The following PDE1C variants were observed in gnomAD, a reference collection of about 807,000 sequenced individuals.
PDE1C encodes the protein dual specificity calcium/calmodulin-dependent 3',5'-cyclic nucleotide phosphodiesterase 1C.
Under a neutral mutation model 93.1 loss-of-function variants are expected in PDE1C, and 62 were observed. The observed-to-expected ratio is 0.67, with a 90% CI of 0.54 to 0.82. The LOEUF (loss-of-function observed/expected upper bound fraction) is 0.82, where lower values mean the gene tolerates loss of function less well. Among genes scored for constraint, PDE1C ranks in the 40% least tolerant of loss-of-function variants. The pLI, the probability that PDE1C is intolerant of heterozygous loss-of-function variation, is 0.00. For missense variants in PDE1C, 742 were observed against 884.6 expected (o/e 0.84, Z 2.04); for synonymous variants, 325 against 310.1 (o/e 1.05, Z -0.50).
chr7:32,298,796 C>T lies in PDE1C; in HGVS notation c.-61G>A, dbSNP rs1414464033. ...CCAGCGGCGTCTGCGGTCCCCCCCA[C>T]GGCGGAGTGAGCAGCCCGGGGCTCG... On this transcript the variant is annotated 5_prime_UTR_variant, in exon 1 of 19. Coordinates refer to the PDE1C transcript ENST00000396193. 1.4e-5 allele frequency: 22 copies of T among 1,535,448 alleles called. No individual in the cohort carries two copies. In the East Asian group the frequency reaches 4.7e-4, roughly 33 times the overall value.
chr7:31,888,304 C>T (rs1041488682), intron 2 of PDE1C, among the ~76,000 whole-genome samples: 4 of 149,130 alleles, frequency 2.7e-5, no homozygotes, highest in Non-Finnish European at 3.0e-5. Flanking sequence ...TAAGTGATCT[C>T]GTTATGCACC....
chr7:31,969,939 CA>C (rs1164895454), intron 2 of PDE1C, among the ~76,000 whole-genome samples: 3 of 151,742 alleles, frequency 2.0e-5, no homozygotes, highest in Non-Finnish European at 2.9e-5. Flanking sequence ...GGGAATTGAA[CA>C]ATGAGAACTC....
At chr7:32,101,863 G>A (rs1798055246) in intron 3 of PDE1C, among the ~76,000 whole-genome samples, 1 of 152,102 alleles carries the variant, frequency 6.6e-6, no homozygotes. Flanking sequence ...CTTCTGTGGG[G>A]GCCTCAGGAA....
intron 1 of PDE1C, among the ~76,000 whole-genome samples, chr7:32,259,984 G>A (rs547496656): frequency 1.1e-4 from 17 of 152,194 alleles, no homozygotes; most frequent in Admixed American, 5.2e-4. Context: ...GAAATTCTTC[G>A]TCCCACCTAA....
chr7:32,184,290 A>G (rs1803681332), intron 2 of PDE1C, among the ~76,000 whole-genome samples: 1 of 152,214 alleles, frequency 6.6e-6, no homozygotes, highest in Admixed American at 6.5e-5. Context: ...CAGCCATCCC[A>G]TTACTGGGTA....
intron 1 of PDE1C, among the ~76,000 whole-genome samples, chr7:32,337,554 A>T (rs1783652373): frequency 6.6e-6 from 1 of 152,224 alleles, no homozygotes; most frequent in African/African-American, 2.4e-5. Flanking sequence ...GGTAATCAAT[A>T]AATGTGCATT....
At chr7:32,027,607 TAAAAAAAAAAAAAAAAAAAAAAA>T (rs551660766) in intron 2 of PDE1C, among the ~76,000 whole-genome samples, 136 of 78,504 alleles carry the variant, frequency 1.7e-3, no homozygotes, top group Middle Eastern at 0.015. Flanking sequence ...TCAAAAATGG[TAAAAAAAAAAAAAAAAAAAAAAA>T]AAAAAAAAAA....
intron 1 of PDE1C, among the ~76,000 whole-genome samples, chr7:32,361,725 G>A (rs939769877): frequency 1.3e-5 from 2 of 152,088 alleles, no homozygotes; most frequent in Admixed American, 6.5e-5. Context: ...GTGCTCCCCT[G>A]GCACTTTGTA....
intron 2 of PDE1C, among the ~76,000 whole-genome samples, chr7:32,192,881 T>C (rs962169755): frequency 2.6e-5 from 4 of 152,162 alleles, no homozygotes; most frequent in African/African-American, 4.8e-5. Context: ...GTTTTCAGCA[T>C]ACAAGTCTTG....
intron 9 of PDE1C, among the ~76,000 whole-genome samples, chr7:31,838,863 T>A (rs1791450807): frequency 4.6e-5 from 7 of 152,000 alleles, no homozygotes; most frequent in Admixed American, 4.6e-4. Context: ...ACCAAATACT[T>A]CCATCATCCT....
intron 3 of PDE1C, among the ~76,000 whole-genome samples, chr7:32,159,457 G>T (rs1408149979): frequency 2.0e-5 from 3 of 152,062 alleles, no homozygotes; most frequent in Non-Finnish European, 2.9e-5. Flanking sequence ...TTTTATTTAG[G>T]GTACCTTAAT....
chr7:32,395,110 A>G (rs1170711199), intron 1 of PDE1C, among the ~76,000 whole-genome samples: 3 of 152,360 alleles, frequency 2.0e-5, no homozygotes, highest in African/African-American at 7.2e-5. Context: ...AAGGTGAGAA[A>G]TCTGGCCTAT....
Position 32,398,298 on chromosome 7 carries a change from G to A in PDE1C, c.310+29524C>T, listed in dbSNP as rs538767270. On this transcript the variant is annotated intron_variant, in intron 1 of 1. Coordinates refer to the PDE1C transcript ENST00000672256. ...AGCCTGGGTGACAGGGCGAGACTCC[G>A]TCTCAAAAAAAAAAAAAAGAAAAAG... 2.5e-4 allele frequency among the ~76,000 whole-genome samples: 13 copies of A among 52,982 alleles called. No homozygotes were observed. In the South Asian group the frequency reaches 7.2e-3, roughly 29 times the overall value. 34.8% of individuals were successfully genotyped at this position (52,982 alleles called of 152,430 possible). A position where few individuals can be genotyped will look rare whatever the true frequency, so the allele number is the denominator to read the frequency against.
chr7:31,879,660 C>G (rs1056052303), intron 3 of PDE1C, among the ~76,000 whole-genome samples: 5 of 152,318 alleles, frequency 3.3e-5, no homozygotes, highest in Middle Eastern at 3.4e-3. Context: ...TTCCAGGTTG[C>G]TACCAAAATT....
chr7:32,011,840 G>C (rs1004680225), intron 2 of PDE1C, among the ~76,000 whole-genome samples: 1 of 152,162 alleles, frequency 6.6e-6, no homozygotes, highest in Non-Finnish European at 1.5e-5. Context: ...TTCTAGAGAA[G>C]AGAAAGCCTA....
the PDE1C span, among the ~76,000 whole-genome samples, chr7:31,632,417 A>C: frequency 6.6e-6 from 1 of 152,222 alleles, no homozygotes. Context: ...ACTGCACTCC[A>C]GCCTGGGTGA....
chr7:31,696,883 T>C, the PDE1C span: 2 of 1,446,112 alleles, frequency 1.4e-6, no homozygotes, highest in Non-Finnish European at 1.9e-6. Flanking sequence ...CTTCACCAGA[T>C]GTCTATAAAT....
At chr7:31,892,209 A>G (rs1183045043) in intron 2 of PDE1C, among the ~76,000 whole-genome samples, 1 of 152,146 alleles carries the variant, frequency 6.6e-6, no homozygotes, top group Non-Finnish European at 1.5e-5. Context: ...TAAGAGAGTT[A>G]GGGGTAAATG....
chr7:31,847,831 G>T, intron 9 of PDE1C, 137 bp downstream of exon 9: 1 of 866,274 alleles, frequency 1.2e-6, no homozygotes, highest in Non-Finnish European at 1.9e-6. Flanking sequence ...GAGGGTGAGA[G>T]TGAGAGAAAG....
Sources: allele counts gnomAD v4.1 joint callset (sites outside exome capture counted in the v4.1 genomes callset), GRCh38; gene constraint gnomAD v4.1.1; transcripts MANE v1.5; gene names NCBI Gene and HGNC (gene_info 2026-07-23, HGNC 2026-07-21).